The following ZFHX3 variants were observed in gnomAD, a reference collection of about 807,000 sequenced individuals.
ZFHX3 encodes zinc finger homeobox protein 3.
Under a neutral mutation model 279.1 loss-of-function variants are expected in ZFHX3, and 42 were observed. The ratio of observed to expected loss-of-function variants is 0.15; its 90% CI spans 0.12 to 0.19. The LOEUF (loss-of-function observed/expected upper bound fraction) is 0.19, where lower values mean the gene tolerates loss of function less well. ZFHX3 is among the 10% of genes least tolerant of loss of function. ZFHX3 has a pLI of 1.00. For missense variants in ZFHX3, 4,981 were observed against 4,754.0 expected (o/e 1.05, Z -1.40); for synonymous variants, 2,293 against 1,957.8 (o/e 1.17, Z -4.52).
chr16:72,916,119 G>C (rs1243239934), intron 3 of ZFHX3, among the ~76,000 whole-genome samples: 1 of 152,164 alleles, frequency 6.6e-6, no homozygotes, highest in Non-Finnish European at 1.5e-5. Flanking sequence ...TTAGAAAAGA[G>C]AGCAGTGAAT....
At chr16:73,193,164 G>T (rs1258640079) in intron 5 of ZFHX3, among the ~76,000 whole-genome samples, 1 of 152,184 alleles carries the variant, frequency 6.6e-6, no homozygotes, top group Admixed American at 6.5e-5. Flanking sequence ...GATATTGGTG[G>T]ATGAGACAGC....
At chr16:72,917,640 A>C (rs2039474339) in intron 3 of ZFHX3, among the ~76,000 whole-genome samples, 1 of 152,248 alleles carries the variant, frequency 6.6e-6, no homozygotes, top group South Asian at 2.1e-4. Flanking sequence ...GCCAGTTACA[A>C]GATACACACA....
intron 1 of ZFHX3, among the ~76,000 whole-genome samples, chr16:73,886,845 A>G (rs1486443532): frequency 1.3e-5 from 2 of 152,196 alleles, no homozygotes; most frequent in African/African-American, 4.8e-5. Context: ...ATCCTTAGCA[A>G]CTGGGTTAGG....
chr16:72,807,553 GTAT>G (rs1314546711), intron 7 of ZFHX3: 14 of 152,194 alleles, frequency 9.2e-5, no homozygotes, highest in Non-Finnish European at 2.9e-5. Flanking sequence ...GTCTGATAAG[GTAT>G]TATTAAATGA....
intron 1 of ZFHX3, among the ~76,000 whole-genome samples, chr16:73,832,870 C>T (rs1212563635): frequency 6.6e-6 from 1 of 152,116 alleles, no homozygotes; most frequent in African/African-American, 2.4e-5. Flanking sequence ...TTATCTTCAT[C>T]ACAGTGGCTG....
chr16:73,145,723 T>C (rs767992245), intron 5 of ZFHX3, among the ~76,000 whole-genome samples: 1 of 152,248 alleles, frequency 6.6e-6, no homozygotes, highest in Non-Finnish European at 1.5e-5. Flanking sequence ...CTGAGAGCTA[T>C]GAGAGGTGAT....
At chr16:73,140,721 G>T (rs1173910831) in intron 6 of ZFHX3, among the ~76,000 whole-genome samples, 2 of 152,178 alleles carry the variant, frequency 1.3e-5, no homozygotes, top group African/African-American at 4.8e-5. Flanking sequence ...AGACGTGGTG[G>T]CAAGTGCCTA....
chr16:73,074,819 G>C (rs1965867826), intron 8 of ZFHX3, among the ~76,000 whole-genome samples: 1 of 150,494 alleles, frequency 6.6e-6, no homozygotes. Flanking sequence ...TTTTTTATTT[G>C]AGACAGGGTC....
intron 1 of ZFHX3, among the ~76,000 whole-genome samples, chr16:73,837,091 T>C (rs1961162601): frequency 6.6e-6 from 1 of 152,200 alleles, no homozygotes. Flanking sequence ...GGTATTCTGC[T>C]ACAGCAACAC....
At chr16:72,995,477 T>C (rs1963252083) in intron 1 of ZFHX3, among the ~76,000 whole-genome samples, 1 of 152,228 alleles carries the variant, frequency 6.6e-6, no homozygotes. Context: ...ATTAAACCGC[T>C]GGCACAAACC....
chr16:72,997,848 G>A (rs894949135), intron 1 of ZFHX3, among the ~76,000 whole-genome samples: 1 of 152,174 alleles, frequency 6.6e-6, no homozygotes, highest in East Asian at 1.9e-4. Flanking sequence ...GGGAGGCCGA[G>A]GCGGCAAGAT....
chr16:72,984,638 A>AG (rs1962766316), intron 1 of ZFHX3, among the ~76,000 whole-genome samples: 1 of 151,750 alleles, frequency 6.6e-6, no homozygotes, highest in Non-Finnish European at 1.5e-5. Context: ...AAAAAAAAAA[A>AG]AAAATTCACT....
In ZFHX3 at chr16:73,477,208, A is replaced by G. The variant is rs114395564; in HGVS notation, c.-1546-20950T>C. ...GAAAGTCTTCTTAAAATAACTACCG[A>G]TTTTTAAAATTAAATGCTGATATTC... On this transcript the variant is annotated intron_variant, in intron 2 of 17. Coordinates refer to the ZFHX3 transcript ENST00000641206. Among the ~76,000 whole-genome samples the G allele has an allele frequency of 2.0e-3, 297 of 152,300 alleles. 1 individual carries two copies. Among genetic ancestry groups the G allele is most frequent in the African/African-American group, 6.5e-3 (272 of 41,570 alleles).
chr16:72,787,947 T>C lies in ZFHX3; in HGVS notation c.10329A>G (p.Glu3443=). The C allele has an allele frequency of 1.9e-6, 3 of 1,613,770 alleles. No homozygotes were observed. Among genetic ancestry groups the C allele is most frequent in the Non-Finnish European group, 2.5e-6 (3 of 1,179,940 alleles). Residue 3443 remains glutamate, a synonymous_variant, in exon 10 of 10, where the codon GAA becomes GAG. Transcript: ENST00000268489. The part of the protein sequence containing the change: ...PLLPKLPEEP[E]AESKSADSLY... ...GGGAGTCCGCACTTTTGCTTTCTGC[T>C]TCTGGCTCTTCAGGGAGTTTCGGCA...
chr16:72,798,037 C>T lies in ZFHX3; in HGVS notation c.4645G>A (p.Val1549Ile), dbSNP rs181722888. 5.0e-5 allele frequency: 80 copies of T among 1,614,154 alleles called. No individual in the cohort carries two copies. The highest frequency in any genetic ancestry group is 3.3e-4 in the East Asian group (15 of 44,884). ...TTTTGAGTGAAAGATTCCTTGCAGA[C>T]GGTACACTTGTAAGGGCGAGAAGGG... The part of the protein sequence containing the change: ...LDPSRPYKCT[V>I]CKESFTQKNI... The change falls in exon 9 of 10, where the codon GTC becomes ATC. Residue 1549 changes from valine (V) to isoleucine (I), a missense_variant. Coordinates refer to ENST00000268489, the MANE Select transcript of ZFHX3 (RefSeq NM_006885.4).
At chr16:73,447,539 C>A (rs1311204015) in intron 3 of ZFHX3, among the ~76,000 whole-genome samples, 2 of 152,172 alleles carry the variant, frequency 1.3e-5, no homozygotes, top group Admixed American at 1.3e-4. Flanking sequence ...AGCTCTCTAC[C>A]TCTTGCTAGA....
intron 2 of ZFHX3, among the ~76,000 whole-genome samples, chr16:73,537,975 G>T (rs2019937528): frequency 6.6e-6 from 1 of 152,072 alleles, no homozygotes; most frequent in Admixed American, 6.5e-5. Flanking sequence ...TTCATATATG[G>T]GGCTCACTGC....
Position 73,363,799 on chromosome 16 carries a change from G to C in ZFHX3, c.-1290-45463C>G, listed in dbSNP as rs12102395. ...ATACAACAGATAAGGAAGACGGATA[G>C]CATCCCTGGCCTCATGGAGCTGTAG... is the stretch of plus-strand genomic sequence containing the variant. On this transcript the variant is annotated intron_variant, in intron 3 of 17. Coordinates refer to the ZFHX3 transcript ENST00000641206. 2.3e-3 allele frequency among the ~76,000 whole-genome samples: 352 copies of C among 152,202 alleles called. 2 individuals carry two copies. Among genetic ancestry groups the C allele is most frequent in the Middle Eastern group, 0.014 (4 of 294 alleles).
intron 3 of ZFHX3, among the ~76,000 whole-genome samples, chr16:73,444,274 G>A (rs1267277587): frequency 6.6e-6 from 1 of 152,160 alleles, no homozygotes; most frequent in Non-Finnish European, 1.5e-5. Context: ...GATCCCTTGG[G>A]TGGGACTTCT....
Sources: gnomAD v4.1 joint callset for allele counts (sites outside exome capture counted in the v4.1 genomes callset) on GRCh38, gnomAD v4.1.1 for gene constraint, MANE v1.5 for transcripts, NCBI Gene and HGNC (gene_info 2026-07-23, HGNC 2026-07-21) for gene names.